PDZD2: variants seen among roughly 807,000 people sequenced by gnomAD.
The protein encoded by PDZD2 is PDZ domain-containing protein 2.
A neutral mutation model predicts 220.7 loss-of-function variants in PDZD2; 90 were observed. That is an observed-to-expected ratio of 0.41 (90% confidence interval 0.34 to 0.49). PDZD2 has a LOEUF of 0.49. Ranked by LOEUF, PDZD2 falls within the 20% of genes least tolerant of loss-of-function variation. PDZD2 has a pLI of 0.28. For synonymous variants in PDZD2, 1,375 were observed against 1,450.5 expected (o/e 0.95, Z 1.18); for missense variants, 3,174 against 3,608.5 (o/e 0.88, Z 3.08).
chr5:31,776,654 A>G (rs1752674500), intron 1 of PDZD2, among the ~76,000 whole-genome samples: 1 of 90,506 alleles, frequency 1.1e-5, no homozygotes, highest in Non-Finnish European at 2.4e-5. Context: ...TTATTTATTT[A>G]TTTATTTATT....
chr5:31,895,814 A>G (rs138156516), intron 2 of PDZD2, among the ~76,000 whole-genome samples: 39 of 152,064 alleles, frequency 2.6e-4, no homozygotes, highest in Non-Finnish European at 5.1e-4. Flanking sequence ...TATTATGTTG[A>G]TGCCTGAGCA....
At chr5:31,747,991 T>C (rs965161877) in intron 1 of PDZD2, 3 of 152,248 alleles carry the variant, frequency 2.0e-5, no homozygotes, top group Admixed American at 2.0e-4. Context: ...AAGAAGGTCC[T>C]CATTCCTTAG....
At chr5:31,678,358 T>C in intron 1 of PDZD2, among the ~76,000 whole-genome samples, 1 of 152,176 alleles carries the variant, frequency 6.6e-6, no homozygotes. Flanking sequence ...TGTCCCTACG[T>C]TGGAAGCAGC....
chr5:32,003,868 C>T (rs1349880755), intron 5 of PDZD2, among the ~76,000 whole-genome samples: 1 of 152,128 alleles, frequency 6.6e-6, no homozygotes, highest in African/African-American at 2.4e-5. Context: ...CCCACCACCA[C>T]GTCTGGCTAA....
At chr5:31,709,027 A>G (rs1268946645) in intron 1 of PDZD2, among the ~76,000 whole-genome samples, 1 of 151,804 alleles carries the variant, frequency 6.6e-6, no homozygotes, top group Non-Finnish European at 1.5e-5. Context: ...AGCTGGGATT[A>G]CAGGCACGCA....
rs1043464341 is a variant in PDZD2 at position 31,823,011 on chromosome 5, G to A, written c.476+23287G>A. The A allele has an allele frequency of 2.3e-5, 27 of 1,190,552 alleles. 1 individual carries two copies. The highest frequency in any genetic ancestry group is 3.3e-5 in the East Asian group (1 of 30,424). The allele number at this position is 1,190,552 out of a possible 1,614,324, so 73.7% of individuals were successfully genotyped here. On this transcript the variant is annotated intron_variant, in intron 2 of 24. Transcript: ENST00000438447. ...TCTTTCCGAGAAGACTGAGTTCTACGTTGATGTGATTGAAGTCCCTCCGCA... is the reference window on the plus strand; with the variant it reads ...TCTTTCCGAGAAGACTGAGTTCTACATTGATGTGATTGAAGTCCCTCCGCA...
intron 8 of PDZD2, among the ~76,000 whole-genome samples, chr5:32,051,046 G>A (rs328619): frequency 0.97 from 146,928 of 152,238 alleles, 71,132 homozygotes; most frequent in Middle Eastern, 0.98. Flanking sequence ...TAGACAGCAC[G>A]GGTCTAGAAA....
chr5:31,884,227 G>GCATACATACATACATA (rs557964815), intron 2 of PDZD2, among the ~76,000 whole-genome samples: 13,470 of 147,292 alleles, frequency 0.091, 1,138 homozygotes, highest in African/African-American at 0.22. Context: ...ATAACTGCAT[G>GCATACATACATACATA]CATGCATACA....
chr5:31,790,247 G>A lies in PDZD2; in HGVS notation c.-360-8642G>A, dbSNP rs58610639. Reference sequence around the variant, plus strand: ...CGAGTAGCTAGGACTACAGGCACCCGCCACCATGCCCAGCTAATTTTTGTA... The same window carrying A: ...CGAGTAGCTAGGACTACAGGCACCCACCACCATGCCCAGCTAATTTTTGTA... On this transcript the variant is annotated intron_variant, in intron 1 of 24. Transcript: ENST00000438447. Among the ~76,000 whole-genome samples the A allele has an allele frequency of 2.3e-3, 344 of 152,028 alleles. 6 individuals are homozygous for A. In the East Asian group the frequency reaches 0.055, roughly 24 times the overall value.
chr5:32,023,242 C>T (rs1166327701), intron 6 of PDZD2, among the ~76,000 whole-genome samples: 9 of 151,450 alleles, frequency 5.9e-5, no homozygotes, highest in East Asian at 1.9e-4. Flanking sequence ...CACTTGATGC[C>T]GGCTGTCTTT....
At chr5:32,105,932 C>T (rs1744722122) in intron 24 of PDZD2, among the ~76,000 whole-genome samples, 1 of 152,230 alleles carries the variant, frequency 6.6e-6, no homozygotes, top group Non-Finnish European at 1.5e-5. Context: ...CTTTGTACAA[C>T]ACTGAATGTT....
chr5:31,922,833 C>T (rs1744395099), intron 2 of PDZD2, among the ~76,000 whole-genome samples: 1 of 152,166 alleles, frequency 6.6e-6, no homozygotes, highest in African/African-American at 2.4e-5. Context: ...CATGCACCTC[C>T]AGGCCCAGCC....
intron 2 of PDZD2, among the ~76,000 whole-genome samples, chr5:31,955,649 G>A (rs1367621271): frequency 7.1e-6 from 1 of 140,904 alleles, no homozygotes; most frequent in East Asian, 2.1e-4. Flanking sequence ...TGACCTTTAT[G>A]ATTTTCTTCC....
At chr5:31,949,930 C>T (rs910067097) in intron 2 of PDZD2, among the ~76,000 whole-genome samples, 1 of 151,960 alleles carries the variant, frequency 6.6e-6, no homozygotes, top group Non-Finnish European at 1.5e-5. Context: ...GATCCTCCCA[C>T]CTTGGCCTCC....
intron 2 of PDZD2, among the ~76,000 whole-genome samples, chr5:31,845,133 C>G (rs1757518245): frequency 6.6e-6 from 1 of 152,172 alleles, no homozygotes. Flanking sequence ...TCAAACATCT[C>G]CAGACATTGC....
intron 1 of PDZD2, among the ~76,000 whole-genome samples, chr5:31,659,886 A>G (rs1411618241): frequency 6.6e-6 from 1 of 152,180 alleles, no homozygotes; most frequent in African/African-American, 2.4e-5. Flanking sequence ...TGCTGATACC[A>G]ACTTTGAGGT....
At chr5:31,896,407 T>G (rs1051730634) in intron 2 of PDZD2, among the ~76,000 whole-genome samples, 1 of 151,188 alleles carries the variant, frequency 6.6e-6, no homozygotes, top group Admixed American at 6.6e-5. Flanking sequence ...AGGGTCACAG[T>G]TTAGTGCCTA....
chr5:31,720,273 G>A (rs1205724424), intron 1 of PDZD2, among the ~76,000 whole-genome samples: 1 of 152,186 alleles, frequency 6.6e-6, no homozygotes, highest in Non-Finnish European at 1.5e-5. Flanking sequence ...AGAATCAGAA[G>A]AAGGGAACTT....
In PDZD2 at chr5:31,943,656, C is replaced by T. The variant is rs960584866; in HGVS notation, c.477-39499C>T. On this transcript the variant is annotated intron_variant, in intron 2 of 24. Transcript: ENST00000438447. ...TAGAAGCCACAAGACACAAAGAAGC[C>T]GACGAGGCAAATGCAGTCGCTATCA... Among the ~76,000 whole-genome samples the T allele has an allele frequency of 3.3e-5, 5 of 152,276 alleles. No homozygotes were observed. In the East Asian group the frequency reaches 5.8e-4, roughly 18 times the overall value.
Sources: gnomAD v4.1 joint callset for allele counts (sites outside exome capture counted in the v4.1 genomes callset) on GRCh38, gnomAD v4.1.1 for gene constraint, MANE v1.5 for transcripts, NCBI Gene and HGNC (gene_info 2026-07-23, HGNC 2026-07-21) for gene names.